CFAP20DC: variants seen among roughly 807,000 people sequenced by gnomAD.
The protein encoded by CFAP20DC is protein CFAP20DC.
Under a neutral mutation model 101.7 loss-of-function variants are expected in CFAP20DC, and 84 were observed. The observed-to-expected ratio is 0.83, with a 90% confidence interval of 0.69 to 0.99. CFAP20DC has a LOEUF of 0.99. Ranked by LOEUF, CFAP20DC falls within the 50% of genes least tolerant of loss-of-function variation. The probability of loss-of-function intolerance (pLI) is 0.00; values close to 1 mark genes in which losing one functional copy is unlikely to be tolerated. For synonymous variants in CFAP20DC, 359 were observed against 351.2 expected (o/e 1.02, Z -0.25); for missense variants, 1,007 against 970.3 (o/e 1.04, Z -0.50).
At chr3:58,725,945 T>A (rs2067543415) in intron 3 of CFAP20DC, 1 of 154,552 alleles carries the variant, frequency 6.5e-6, no homozygotes, top group African/African-American at 2.4e-5. Context: ...TTCTTTTCCA[T>A]CGCGTGCACC....
chr3:58,981,677 A>C lies in CFAP20DC; in HGVS notation c.279-43915T>G, dbSNP rs963298767. On this transcript the variant is annotated intron_variant, in intron 4 of 16. Transcript: ENST00000482387. ...ATATGTAGAAAGCTGAAACTGGATC[A>C]CTTCCTTACACCTTAAACAAAAAGT... Among the ~76,000 whole-genome samples the C allele has an allele frequency of 5.7e-3, 868 of 152,258 alleles. 5 individuals carry two copies. Among genetic ancestry groups the C allele is most frequent in the African/African-American group, 0.02 (825 of 41,538 alleles).
At chr3:58,823,080 G>A (rs1305754953) in intron 14 of CFAP20DC, among the ~76,000 whole-genome samples, 2 of 151,854 alleles carry the variant, frequency 1.3e-5, no homozygotes, top group African/African-American at 4.8e-5. Flanking sequence ...CATCAAACCT[G>A]GAGTAAAAAT....
chr3:58,857,567 T>A (rs1218999959), intron 12 of CFAP20DC, among the ~76,000 whole-genome samples: 1 of 152,168 alleles, frequency 6.6e-6, no homozygotes, highest in Admixed American at 6.5e-5. Flanking sequence ...TTCCATGCTA[T>A]TTTAAATATA....
At position 58,937,778 on chromosome 3, in the gene CFAP20DC, A is replaced by G. The variant is rs1198935744; in HGVS notation, c.279-16T>C. ...ATCAGTAATTCTGAAAACATGGAGG[A>G]GAGAAGACAGAAAGATTCCCATCAA... On this transcript the variant is annotated splice_polypyrimidine_tract_variant and intron_variant, in intron 4 of 16. Transcript: ENST00000482387. 5.2e-6 allele frequency: 7 copies of G among 1,342,974 alleles called. No individual in the cohort carries two copies. Among genetic ancestry groups the G allele is most frequent in the Non-Finnish European group, 7.5e-6 (7 of 937,124 alleles). The allele number at this position is 1,342,974 out of a possible 1,614,324, so 83.2% of individuals were successfully genotyped here.
chr3:58,859,989 C>A lies in CFAP20DC; in HGVS notation c.1593+3569G>T, dbSNP rs1423814888. ...GTCAGGAGATCGAGACCATCCTGGC[C>A]AACATGGTGAAACCCCGTCTCTACT... On this transcript the variant is annotated intron_variant, in intron 12 of 16. Transcript: ENST00000482387. This position sits in a 1 kb window ranked among gnomAD's most constrained non-coding sequence, Gnocchi z 4.1. Among the ~76,000 whole-genome samples, 1 of 151,694 alleles carries A rather than the reference C, an allele frequency of 6.6e-6. No homozygotes were observed. Among genetic ancestry groups the A allele is most frequent in the Non-Finnish European group, 1.5e-5 (1 of 67,896 alleles).
Position 58,966,215 on chromosome 3 carries a change from T to G in CFAP20DC, c.279-28453A>C, listed in dbSNP as rs375662013. Reference sequence around the variant, plus strand: ...AGCTTTCTCCATGCCTTCCCTGACCTTTGTCCCAGAAGTGACCCTTAAAGC... The same window carrying G: ...AGCTTTCTCCATGCCTTCCCTGACCGTTGTCCCAGAAGTGACCCTTAAAGC... On this transcript the variant is annotated intron_variant, in intron 4 of 16. Transcript: ENST00000482387. Among the ~76,000 whole-genome samples, 6 of 152,264 alleles carry G rather than the reference T, an allele frequency of 3.9e-5. No individual in the cohort carries two copies. The South Asian group carries it at 6.2e-4, about 16-fold the overall frequency.
chr3:58,823,016 C>T (rs1359264982), intron 14 of CFAP20DC, among the ~76,000 whole-genome samples: 2 of 152,100 alleles, frequency 1.3e-5, no homozygotes, highest in Non-Finnish European at 2.9e-5. Flanking sequence ...CGTTTATTTC[C>T]ATTAGCTCAT....
intron 7 of CFAP20DC, 118 bp from the exon 8 acceptor site, chr3:58,870,427 C>A: frequency 2.1e-6 from 2 of 934,956 alleles, no homozygotes; most frequent in African/African-American, 1.6e-5. Flanking sequence ...CCCCTCCCCC[C>A]TCAGCATGTA....
At chr3:58,855,112 T>A (rs1433813482) in intron 12 of CFAP20DC, among the ~76,000 whole-genome samples, 7 of 151,044 alleles carry the variant, frequency 4.6e-5, no homozygotes, top group Non-Finnish European at 7.4e-5. Context: ...ATATCCAGAA[T>A]CTACAATGAA....
intron 4 of CFAP20DC, among the ~76,000 whole-genome samples, chr3:58,973,720 A>C (rs1286723553): frequency 1.3e-5 from 2 of 152,160 alleles, no homozygotes; most frequent in Admixed American, 1.3e-4. Flanking sequence ...AATTCCTTAC[A>C]CAGGTGTGGG....
In CFAP20DC at chr3:58,864,702, CTATT is replaced by C. The variant is rs1413616067; in HGVS notation, c.1259-814_1259-811del. Among the ~76,000 whole-genome samples the C allele has an allele frequency of 2.0e-5, 3 of 152,174 alleles. No individual in the cohort carries two copies. Among genetic ancestry groups the C allele is most frequent in the Non-Finnish European group, 2.9e-5 (2 of 68,032 alleles). On this transcript the variant is annotated intron_variant, in intron 11 of 16. Coordinates refer to ENST00000482387, the MANE Select transcript of CFAP20DC (RefSeq NM_001394063.1). This position sits in a 1 kb window ranked among gnomAD's most constrained non-coding sequence, Gnocchi z 4.7. ...GACAAGGTTGGCAGTCATTTCCTCTCTATTCTACTGATTCAAACAGGACAATTCA... is the reference window on the plus strand; with the variant it reads ...GACAAGGTTGGCAGTCATTTCCTCTCCTACTGATTCAAACAGGACAATTCA...
At chr3:59,044,090 ATACT>A (rs1345124245) in intron 3 of CFAP20DC, among the ~76,000 whole-genome samples, 1 of 152,326 alleles carries the variant, frequency 6.6e-6, no homozygotes, top group Admixed American at 6.5e-5. Flanking sequence ...AACAAAAAAC[ATACT>A]TAATTTCATT....
intron 4 of CFAP20DC, among the ~76,000 whole-genome samples, chr3:59,023,603 C>T (rs1377940859): frequency 6.6e-6 from 1 of 151,936 alleles, no homozygotes; most frequent in Non-Finnish European, 1.5e-5. Flanking sequence ...GAGATCAGAA[C>T]CAGAAGCCTA....
chr3:58,900,302 T>C (rs1271856423), intron 6 of CFAP20DC, among the ~76,000 whole-genome samples: 1 of 152,250 alleles, frequency 6.6e-6, no homozygotes, highest in Non-Finnish European at 1.5e-5. Flanking sequence ...AATCCCCTTA[T>C]GGACAGAAGC....
intron 15 of CFAP20DC, among the ~76,000 whole-genome samples, chr3:58,758,290 A>G (rs1235690430): frequency 6.6e-6 from 1 of 152,116 alleles, no homozygotes; most frequent in Non-Finnish European, 1.5e-5. Context: ...ATCCTTGATC[A>G]ACTCCTTTAA....
At chr3:58,800,714 C>A (rs1018012912) in intron 15 of CFAP20DC, among the ~76,000 whole-genome samples, 2 of 152,080 alleles carry the variant, frequency 1.3e-5, no homozygotes, top group Non-Finnish European at 1.5e-5. Context: ...TTTGCATCAG[C>A]AGGGAGTGGT....
intron 15 of CFAP20DC, among the ~76,000 whole-genome samples, chr3:58,777,486 A>G (rs1051859714): frequency 3.9e-5 from 6 of 152,186 alleles, no homozygotes; most frequent in African/African-American, 1.4e-4. Flanking sequence ...ACAGCAGCCT[A>G]TAAATGTGTG....
chr3:58,939,849 C>T (rs1445859765), intron 4 of CFAP20DC, among the ~76,000 whole-genome samples: 1 of 150,116 alleles, frequency 6.7e-6, no homozygotes, highest in Non-Finnish European at 1.5e-5. Context: ...TTACTGTAAC[C>T]TCCGCCTCCC....
chr3:58,806,863 C>G (rs1012949581), intron 14 of CFAP20DC, among the ~76,000 whole-genome samples: 12 of 152,186 alleles, frequency 7.9e-5, no homozygotes, highest in Non-Finnish European at 1.6e-4. Context: ...TCACTCCCAC[C>G]CTAATACTGC....
Sources: allele counts gnomAD v4.1 joint callset (sites outside exome capture counted in the v4.1 genomes callset), GRCh38; gene constraint gnomAD v4.1.1; non-coding constraint Gnocchi (gnomAD v3.1); transcripts MANE v1.5; gene names NCBI Gene and HGNC (gene_info 2026-07-23, HGNC 2026-07-21).